Variants in RMDN1 observed in about 807,000 individuals in gnomAD.
The protein encoded by RMDN1 is regulator of microtubule dynamics protein 1.
A neutral mutation model predicts 48.9 loss-of-function variants in RMDN1; 48 were observed. The ratio of observed to expected loss-of-function variants is 0.98; its 90% CI spans 0.78 to 1.25. RMDN1 has a LOEUF of 1.25. RMDN1 is among the 50% of genes most tolerant of loss of function. RMDN1 has a pLI of 0.00. For synonymous variants in RMDN1, 148 were observed against 132.6 expected, an observed-to-expected ratio of 1.12 and a Z score of -0.80; for missense variants, 418 against 373.4, an observed-to-expected ratio of 1.12 and a Z score of -0.98.
At chr8:86,505,392 G>C (rs1357823560) in intron 2 of RMDN1, 2 of 456,610 alleles carry the variant, frequency 4.4e-6, no homozygotes, top group East Asian at 1.4e-4. Context: ...AGGGGATATA[G>C]GAGAGGAAAA....
Position 86,473,109 on chromosome 8 carries a change from G to T in RMDN1, c.*1199C>A. ...ACACAACCTATATAGCAAAATCACT[G>T]AATCTAAGAGATGGGTATACAAAGA... On this transcript the variant is annotated 3_prime_UTR_variant, in exon 10 of 10. Coordinates refer to ENST00000406452, the MANE Select transcript of RMDN1 (RefSeq NM_016033.3). 3.0e-6 allele frequency: 3 copies of T among 984,938 alleles called. No homozygotes were observed. Among genetic ancestry groups the T allele is most frequent in the Non-Finnish European group, 3.6e-6 (3 of 829,558 alleles). 61.0% of individuals were successfully genotyped at this position (984,938 alleles called of 1,614,324 possible).
chr8:86,505,098 T>C (rs2131306717), intron 2 of RMDN1: 2 of 1,374,538 alleles, frequency 1.5e-6, no homozygotes, highest in Non-Finnish European at 1.9e-6. Context: ...CCTCCCAGCA[T>C]GGGAAAGCCA....
At chr8:86,492,781 A>G (rs921466556) in intron 2 of RMDN1, among the ~76,000 whole-genome samples, 18 of 151,880 alleles carry the variant, frequency 1.2e-4, no homozygotes, top group Admixed American at 6.6e-4. Flanking sequence ...AGATATAACC[A>G]TTTTAAAAGT....
intron 6 of RMDN1, among the ~76,000 whole-genome samples, chr8:86,479,275 G>C (rs567379379): frequency 6.6e-6 from 1 of 152,120 alleles, no homozygotes; most frequent in Admixed American, 6.5e-5. Context: ...ATTGTGCCAG[G>C]TAGTGGGTTG....
In RMDN1 at chr8:86,486,635, G is replaced by T. The variant is rs1815526064; in HGVS notation, c.344C>A (p.Ala115Glu). Residue 115 changes from alanine to glutamate, a missense_variant, in exon 4 of 10, where the codon GCA becomes GAA. Ala to Glu is a moderately radical substitution (Grantham distance 107). Transcript: ENST00000406452. The part of the protein sequence containing the change: ...LLTQYKESED[A>E]ELLWRLARAS... ...CCGTGCCAAACGCCACAGTAACTCT[G>T]CATCTTCACTAATTTGAAATAAAAT... 6.3e-7 allele frequency: 1 copy of T among 1,581,396 alleles called. No homozygotes were observed. Among genetic ancestry groups the T allele is most frequent in the South Asian group, 1.2e-5 (1 of 85,742 alleles).
chr8:86,511,201 A>G (rs7007055), upstream of RMDN1, among the ~76,000 whole-genome samples: 40,262 of 151,740 alleles, frequency 0.27, 6,249 homozygotes, highest in East Asian at 0.53. Flanking sequence ...AAGTTCGGGC[A>G]CGGTGGCTCA....
intron 2 of RMDN1, among the ~76,000 whole-genome samples, chr8:86,496,957 CT>C (rs1489497549): frequency 6.6e-6 from 1 of 151,834 alleles, no homozygotes; most frequent in Non-Finnish European, 1.5e-5. Flanking sequence ...CAGATCACAG[CT>C]CAATAAAAAT....
At chr8:86,507,700 T>C (rs1195917341) in intron 1 of RMDN1, among the ~76,000 whole-genome samples, 1 of 152,176 alleles carries the variant, frequency 6.6e-6, no homozygotes, top group Admixed American at 6.5e-5. Flanking sequence ...ACTAGTTTCA[T>C]ACTTAGAACT....
intron 2 of RMDN1, among the ~76,000 whole-genome samples, chr8:86,497,501 G>A (rs1232277907): frequency 2.0e-5 from 3 of 151,992 alleles, no homozygotes; most frequent in Non-Finnish European, 4.4e-5. Flanking sequence ...AGGAGTTCGA[G>A]ACCAGCCTGA....
chr8:86,481,853 A>ATT, intron 5 of RMDN1: 2 of 806,088 alleles, frequency 2.5e-6, no homozygotes, highest in Non-Finnish European at 3.7e-6. Context: ...TTGGAGCAGT[A>ATT]TTTTTTTTTA....
intron 7 of RMDN1, chr8:86,478,404 A>C (rs1813765274): frequency 6.6e-6 from 1 of 152,328 alleles, no homozygotes; most frequent in Admixed American, 6.5e-5. Flanking sequence ...GTGATGAGTA[A>C]ACCCAAAGTT....
chr8:86,511,810 GTC>G (rs5892982), upstream of RMDN1, among the ~76,000 whole-genome samples: 70,235 of 139,456 alleles, frequency 0.5, 17,780 homozygotes, highest in Admixed American at 0.62. Flanking sequence ...GCAAGAACCT[GTC>G]TCTCAAAAAA....
intron 7 of RMDN1, chr8:86,477,529 T>G: frequency 2.3e-6 from 1 of 439,796 alleles, no homozygotes; most frequent in Admixed American, 4.1e-5. Flanking sequence ...ATATATGGAC[T>G]ACTTCTGGTA....
intron 2 of RMDN1, chr8:86,503,530 A>T: frequency 4.3e-6 from 1 of 234,506 alleles, no homozygotes; most frequent in Non-Finnish European, 8.8e-6. Context: ...CTGGAATCAC[A>T]CTCCTAGATC....
chr8:86,504,651 G>A (rs986112975), intron 2 of RMDN1: 2 of 877,950 alleles, frequency 2.3e-6, no homozygotes, highest in South Asian at 1.3e-5. Flanking sequence ...ATTAAAGGAT[G>A]AGTATAATGG....
chr8:86,477,890 T>TA lies in RMDN1; in HGVS notation c.730-567dup, dbSNP rs751489584. On this transcript the variant is annotated intron_variant, in intron 7 of 9. Transcript: ENST00000406452. ...TTTTTGTCCTTAAAATGACCTGTCT[T>TA]AAAAAAAAAAAAAAAGAACCAGGTC... is the stretch of plus-strand genomic sequence containing the variant. 1.3e-3 allele frequency among the ~76,000 whole-genome samples: 179 copies of TA among 140,530 alleles called. 1 individual carries two copies. The highest frequency in any genetic ancestry group is 7.2e-3 in the Middle Eastern group (2 of 278). The allele number at this position is 140,530 out of a possible 152,430, so 92.2% of individuals were successfully genotyped here.
At chr8:86,482,955 G>C in intron 5 of RMDN1, 2 of 762,522 alleles carry the variant, frequency 2.6e-6, no homozygotes, top group South Asian at 2.8e-5. Flanking sequence ...CGAGGTCCCC[G>C]GCGGACTGTG....
At chr8:86,497,350 A>G (rs1817532079) in intron 2 of RMDN1, among the ~76,000 whole-genome samples, 1 of 152,246 alleles carries the variant, frequency 6.6e-6, no homozygotes, top group Non-Finnish European at 1.5e-5. Flanking sequence ...CAATGAAACC[A>G]AAACTTGGTT....
intron 6 of RMDN1, among the ~76,000 whole-genome samples, chr8:86,479,246 T>C (rs1175511424): frequency 1.3e-5 from 2 of 152,190 alleles, no homozygotes; most frequent in African/African-American, 4.8e-5. Flanking sequence ...TAATATAATA[T>C]ACATCTACCA....
Sources: allele counts gnomAD v4.1 joint callset (sites outside exome capture counted in the v4.1 genomes callset), GRCh38; gene constraint gnomAD v4.1.1; transcripts MANE v1.5; gene names NCBI Gene and HGNC (gene_info 2026-07-23, HGNC 2026-07-21).